The following PFKFB1 variants were observed in gnomAD, a reference collection of about 807,000 sequenced individuals.
PFKFB1 encodes 6-phosphofructo-2-kinase/fructose-2,6-biphosphatase 1.
In PFKFB1, 34 loss-of-function variants were observed where a neutral mutation model predicts 46.4. The observed-to-expected ratio is 0.73, with a 90% CI of 0.56 to 0.98. PFKFB1 has a LOEUF of 0.98. Among genes scored for constraint, PFKFB1 ranks in the 50% least tolerant of loss-of-function variants. The pLI, the probability that PFKFB1 is intolerant of heterozygous loss-of-function variation, is 0.00. For synonymous variants in PFKFB1, 119 were observed against 133.8 expected (o/e 0.89, Z 0.76); for missense variants, 393 against 376.3 (o/e 1.04, Z -0.37).
At chrX:54,956,308 A>T in intron 6 of PFKFB1, 34 bp from the exon 7 acceptor site, 1 of 1,205,230 alleles carries the variant, frequency 8.3e-7, no homozygotes, top group Non-Finnish European at 1.1e-6. Context: ...ATCAAGGGAG[A>T]CATTGGGAGA....
At chrX:54,982,739 T>C (rs931922223) in intron 1 of PFKFB1, among the ~76,000 whole-genome samples, 3 of 111,042 alleles carry the variant, frequency 2.7e-5, no homozygotes, top group African/African-American at 9.8e-5. Context: ...TGACTGTATA[T>C]GCAATGATTA....
At chrX:54,947,711 G>A (rs1485811991) in intron 9 of PFKFB1, among the ~76,000 whole-genome samples, 1 of 111,371 alleles carries the variant, frequency 9.0e-6, no homozygotes, top group African/African-American at 3.3e-5. Flanking sequence ...TTATGTTGAC[G>A]CCTAACAATC....
In PFKFB1 at chrX:54,952,158, G is replaced by A. The variant is rs199798468; in HGVS notation, c.639-46C>T. Reference sequence around the variant, plus strand: ...AGCAAGGGCAGCTCAGGGGCTAATGGTGGTAGGGTTGACCCCGAGAGAAAC... The same window carrying A: ...AGCAAGGGCAGCTCAGGGGCTAATGATGGTAGGGTTGACCCCGAGAGAAAC... On this transcript the variant is annotated intron_variant, in intron 7 of 13. Coordinates refer to ENST00000375006, the MANE Select transcript of PFKFB1 (RefSeq NM_002625.4). 4 of 1,054,244 alleles carry A rather than the reference G, an allele frequency of 3.8e-6. No individual in the cohort carries two copies. The Admixed American group carries it at 9.0e-5, about 24-fold the overall frequency. The allele number at this position is 1,054,244 out of a possible 1,213,427, so 86.9% of individuals were successfully genotyped here. A position where few individuals can be genotyped will look rare whatever the true frequency, so the allele number is the denominator to read the frequency against.
In PFKFB1 at chrX:54,959,886, C is replaced by T. The variant is rs1198684471; in HGVS notation, c.325G>A (p.Ala109Thr). Reference sequence around the variant, plus strand: ...TGAACATCCTTCAGGGCTGCCAGGGCGCACTGCCTGAAATAGACCAGGAAA... The same window carrying T: ...TGAACATCCTTCAGGGCTGCCAGGGTGCACTGCCTGAAATAGACCAGGAAA... ...MEALQIRKQC[A>T]LAALKDVHNY... The change falls in exon 4 of 14, where the codon GCC becomes ACC. Residue 109 changes from alanine (A) to threonine (T), a missense_variant. Ala to Thr is a moderately conservative substitution (Grantham distance 58). Transcript: ENST00000375006. 21 of 1,198,495 alleles carry T rather than the reference C, an allele frequency of 1.8e-5. No homozygotes were observed. The highest frequency in any genetic ancestry group is 5.3e-5 in the South Asian group (3 of 56,131).
chrX:54,986,872 CAGAG>C (rs1219397456), intron 1 of PFKFB1, among the ~76,000 whole-genome samples: 1 of 110,361 alleles, frequency 9.1e-6, no homozygotes, highest in Admixed American at 9.6e-5. Flanking sequence ...AAATTAATAA[CAGAG>C]AGAACTTTGG....
At position 54,984,691 on chromosome X, in the gene PFKFB1, G is replaced by A. The variant is rs767197643; in HGVS notation, c.97+9220C>T. Among the ~76,000 whole-genome samples, 6 of 111,417 alleles carry A rather than the reference G, an allele frequency of 5.4e-5. No individual in the cohort carries two copies. In the East Asian group the frequency reaches 1.4e-3, roughly 26 times the overall value. ...TATAGCCAAGATGAAGCTCCCTTTC[G>A]TCTTGGAGAGAATGTCCCATCAATA... On this transcript the variant is annotated intron_variant, in intron 1 of 13. Transcript: ENST00000375006.
chrX:54,966,558 G>A (rs1934480126), intron 1 of PFKFB1, among the ~76,000 whole-genome samples: 2 of 112,029 alleles, frequency 1.8e-5, no homozygotes, highest in Non-Finnish European at 3.8e-5. Flanking sequence ...TGGTTCCACA[G>A]TGGAGGTAGT....
rs1934287894 is a variant in PFKFB1, at chrX:54,960,815, G to T, written c.317+9C>A. ...GACAGCACAGGTTCCTAAAATATTGGGTACTTACTTCCTGATTTGCAGGGC... is the reference window on the plus strand; with the variant it reads ...GACAGCACAGGTTCCTAAAATATTGTGTACTTACTTCCTGATTTGCAGGGC... On this transcript the variant is annotated intron_variant, in intron 3 of 13. Transcript: ENST00000375006. The T allele has an allele frequency of 4.5e-6, 5 of 1,122,725 alleles. No homozygotes were observed. Among genetic ancestry groups the T allele is most frequent in the Non-Finnish European group, 6.1e-6 (5 of 819,921 alleles). The allele number at this position is 1,122,725 out of a possible 1,213,427, so 92.5% of individuals were successfully genotyped here.
chrX:54,942,722 T>C (rs752455095), intron 10 of PFKFB1, among the ~76,000 whole-genome samples: 1 of 111,471 alleles, frequency 9.0e-6, no homozygotes, highest in Non-Finnish European at 1.9e-5. Flanking sequence ...CAATATAAAA[T>C]AAATATGTTT....
In PFKFB1 at chrX:54,951,955, T is replaced by C; in HGVS notation, c.796A>G (p.Ile266Val). ...GAGTCACCTCCGATGCGGCCTCTGATGTTGAGTTCACTCTCGCCATGTCGG... is the reference window on the plus strand; with the variant it reads ...GAGTCACCTCCGATGCGGCCTCTGACGTTGAGTTCACTCTCGCCATGTCGG... ...LCRHGESELN[I>V]RGRIGGDSGL... Residue 266 changes from isoleucine (I) to valine (V), a missense_variant, in exon 8 of 14, where the codon ATC becomes GTC. Physicochemically the swap from Ile to Val is conservative, Grantham distance 29 (BLOSUM62 3). Coordinates refer to ENST00000375006, the MANE Select transcript of PFKFB1 (RefSeq NM_002625.4). 3.3e-6 allele frequency: 4 copies of C among 1,209,768 alleles called. No individual in the cohort carries two copies. Among genetic ancestry groups the C allele is most frequent in the South Asian group, 3.5e-5 (2 of 56,427 alleles).
At chrX:54,958,778 C>G (rs1483920535) in intron 5 of PFKFB1, 73 bp downstream of exon 5, 4 of 694,963 alleles carry the variant, frequency 5.8e-6, no homozygotes, top group Non-Finnish European at 6.7e-6. Context: ...CGCTCTGAGT[C>G]CCCTGGTTTG....
intron 12 of PFKFB1, 85 bp from the exon 13 acceptor site, chrX:54,933,970 C>T (rs1249245047): frequency 3.0e-6 from 2 of 674,992 alleles, no homozygotes; most frequent in African/African-American, 4.3e-5. Flanking sequence ...TCCCCCATCA[C>T]CAGCCACACC....
At chrX:54,961,014 A>C in intron 2 of PFKFB1, 97 bp from the exon 3 acceptor site, 3 of 468,735 alleles carry the variant, frequency 6.4e-6, no homozygotes, top group Non-Finnish European at 1.1e-5. Context: ...AGAAGGTATA[A>C]TTTGTAGCTA....
chrX:54,977,608 A>G (rs1403032559), intron 1 of PFKFB1, among the ~76,000 whole-genome samples: 3 of 111,099 alleles, frequency 2.7e-5, no homozygotes, highest in Non-Finnish European at 5.7e-5. Flanking sequence ...ATCAAAATAC[A>G]GACGGGTTAG....
At chrX:54,963,600 G>A (rs936005108) in intron 1 of PFKFB1, among the ~76,000 whole-genome samples, 3 of 112,388 alleles carry the variant, frequency 2.7e-5, no homozygotes, top group African/African-American at 9.7e-5. Flanking sequence ...GGAGCCACAG[G>A]AACAGGCATT....
intron 1 of PFKFB1, among the ~76,000 whole-genome samples, chrX:54,977,823 G>A (rs752358263): frequency 9.0e-6 from 1 of 110,995 alleles, no homozygotes; most frequent in South Asian, 3.8e-4. Flanking sequence ...GTATATCAAA[G>A]GGACACAGGA....
At chrX:54,938,973 T>G (rs1214246371) in intron 10 of PFKFB1, among the ~76,000 whole-genome samples, 1 of 111,709 alleles carries the variant, frequency 9.0e-6, no homozygotes, top group Non-Finnish European at 1.9e-5. Context: ...ATTCCAAAAT[T>G]GACCACCTGG....
chrX:54,994,045 G>A lies in PFKFB1; in HGVS notation c.-38C>T, dbSNP rs185484995. On this transcript the variant is annotated 5_prime_UTR_variant, in exon 1 of 14. Coordinates refer to ENST00000375006, the MANE Select transcript of PFKFB1 (RefSeq NM_002625.4). ...ACCGAATGACATCACTGCCCACAAG[G>A]TACCTGGCCTCACTTCCTATCTTAC... 14 of 1,176,418 alleles carry A rather than the reference G, an allele frequency of 1.2e-5. No homozygotes were observed. The Admixed American group carries it at 3.0e-4, about 25-fold the overall frequency.
chrX:54,938,977 C>T (rs1343079953), intron 10 of PFKFB1, among the ~76,000 whole-genome samples: 5 of 111,545 alleles, frequency 4.5e-5, no homozygotes, highest in Non-Finnish European at 3.8e-5. Flanking sequence ...CAAAATTGAC[C>T]ACCTGGTTGG....
Sources: gnomAD v4.1 joint callset for allele counts (sites outside exome capture counted in the v4.1 genomes callset) on GRCh38, gnomAD v4.1.1 for gene constraint, MANE v1.5 for transcripts, NCBI Gene and HGNC (gene_info 2026-07-23, HGNC 2026-07-21) for gene names.